CNBD2: variants seen among roughly 807,000 people sequenced by gnomAD.
CNBD2 encodes cyclic nucleotide binding domain containing 2.
Under a neutral mutation model 63.7 loss-of-function variants are expected in CNBD2, and 64 were observed. That is an observed-to-expected ratio of 1.00 (90% CI 0.82 to 1.24). CNBD2 has a LOEUF of 1.24. Ranked by LOEUF, CNBD2 falls within the 50% of genes most tolerant of loss-of-function variation. The pLI is 0.00. For synonymous variants in CNBD2, 229 were observed against 255.4 expected, an observed-to-expected ratio of 0.90 and a Z score of 0.99; for missense variants, 691 against 713.5, an observed-to-expected ratio of 0.97 and a Z score of 0.36.
At chr20:35,988,917 G>A (rs758864450) in intron 7 of CNBD2, among the ~76,000 whole-genome samples, 1 of 152,170 alleles carries the variant, frequency 6.6e-6, no homozygotes, top group Non-Finnish European at 1.5e-5. Flanking sequence ...GATTTATCAT[G>A]TTTGTTTATG....
chr20:35,976,397 T>A (rs538231770), intron 3 of CNBD2, among the ~76,000 whole-genome samples: 1 of 152,304 alleles, frequency 6.6e-6, no homozygotes, highest in East Asian at 1.9e-4. Flanking sequence ...CTGAATTCTC[T>A]GAGAGATGCT....
intron 9 of CNBD2, 144 bp from the exon 10 acceptor site, chr20:36,010,993 T>G: frequency 1.2e-6 from 1 of 840,796 alleles, no homozygotes; most frequent in Non-Finnish European, 1.7e-6. Flanking sequence ...AGGGCTTGAT[T>G]TTGAGTTTTC....
In CNBD2 at chr20:35,972,753, T is replaced by G. The variant is rs778109576; in HGVS notation, c.176T>G (p.Phe59Cys). Residue 59 changes from phenylalanine (F) to cysteine (C), a missense_variant, in exon 2 of 12, where the codon TTC (phenylalanine) becomes TGC (cysteine). Phe to Cys is a radical substitution (Grantham distance 205). Coordinates refer to ENST00000373973, the MANE Select transcript of CNBD2 (RefSeq NM_001365709.1). ...ACTGCTCACTGGAAGCACCCTATCT[T>G]CTCCTTCTGGGATGTAAGCAGTTGG... ...IETAHWKHPI[F>C]SFWDKKMQSR... The G allele has an allele frequency of 6.2e-7, 1 of 1,614,082 alleles. No individual in the cohort carries two copies. The highest frequency in any genetic ancestry group is 8.5e-7 in the Non-Finnish European group (1 of 1,179,986).
intron 8 of CNBD2, among the ~76,000 whole-genome samples, chr20:35,995,956 TG>T (rs2056819189): frequency 6.6e-6 from 1 of 152,214 alleles, no homozygotes; most frequent in African/African-American, 2.4e-5. Context: ...GACTTCTTGC[TG>T]GTGGGGACTC....
Position 36,023,791 on chromosome 20 carries a change from G to T in CNBD2, c.1439+20G>T. 1.9e-6 allele frequency: 3 copies of T among 1,565,776 alleles called. No homozygotes were observed. The highest frequency in any genetic ancestry group is 2.6e-6 in the Non-Finnish European group (3 of 1,156,730). Reference sequence around the variant, plus strand: ...CCCCAGGTCAGTACTGGAAATGTGCGTAAGTCCCATCAGGTGAAATGAACA... The same window carrying T: ...CCCCAGGTCAGTACTGGAAATGTGCTTAAGTCCCATCAGGTGAAATGAACA... On this transcript the variant is annotated intron_variant, in intron 11 of 11. Coordinates refer to ENST00000373973, the MANE Select transcript of CNBD2 (RefSeq NM_001365709.1).
intron 1 of CNBD2, among the ~76,000 whole-genome samples, chr20:35,970,553 C>T (rs991567491): frequency 1.6e-4 from 25 of 151,550 alleles, no homozygotes; most frequent in Non-Finnish European, 1.2e-4. Context: ...CCCACCACCA[C>T]GCCCGGCTAA....
chr20:36,018,157 T>C (rs2057160412), intron 10 of CNBD2, among the ~76,000 whole-genome samples: 1 of 152,258 alleles, frequency 6.6e-6, no homozygotes, highest in African/African-American at 2.4e-5. Flanking sequence ...AGTAAGGTGC[T>C]CAGAGATGAA....
chr20:36,014,341 T>A (rs2057106186), intron 10 of CNBD2, among the ~76,000 whole-genome samples: 1 of 151,120 alleles, frequency 6.6e-6, no homozygotes, highest in Non-Finnish European at 1.5e-5. Context: ...CTTTCTTTTT[T>A]TTTTTTTTGA....
At chr20:36,001,175 G>C (rs1450112573) in intron 8 of CNBD2, among the ~76,000 whole-genome samples, 2 of 151,644 alleles carry the variant, frequency 1.3e-5, no homozygotes, top group South Asian at 2.1e-4. Context: ...ATTTCTCAAT[G>C]TTTTCCCCAC....
intron 9 of CNBD2, among the ~76,000 whole-genome samples, chr20:36,010,693 G>A (rs1387276868): frequency 6.6e-6 from 1 of 151,908 alleles, no homozygotes; most frequent in Non-Finnish European, 1.5e-5. Context: ...AACTCCAGAA[G>A]TGGAGGTTGC....
intron 2 of CNBD2, among the ~76,000 whole-genome samples, chr20:35,960,783 A>C (rs13045686): frequency 0.3 from 8,204 of 27,434 alleles, 329 homozygotes; most frequent in African/African-American, 0.42. Flanking sequence ...CTTCTCTTCC[A>C]TTCTCTTCCC....
chr20:35,964,765 T>G (rs1333793056), upstream of CNBD2, among the ~76,000 whole-genome samples: 1 of 150,608 alleles, frequency 6.6e-6, no homozygotes, highest in African/African-American at 2.4e-5. Context: ...TGCAGTGCCA[T>G]GATCTCGACT....
intron 1 of CNBD2, among the ~76,000 whole-genome samples, chr20:35,969,441 C>G (rs1319008363): frequency 6.7e-6 from 1 of 149,028 alleles, no homozygotes; most frequent in African/African-American, 2.5e-5. Context: ...TCTTTACCAT[C>G]CCATGCCCCT....
intron 10 of CNBD2, among the ~76,000 whole-genome samples, chr20:36,022,195 CTTT>C (rs753206662): frequency 1.8e-5 from 1 of 56,262 alleles, no homozygotes; most frequent in African/African-American, 7.9e-5. Flanking sequence ...TTTTTTTTTT[CTTT>C]TTTTTTTTTT....
chr20:36,012,822 C>CA (rs141479430), intron 10 of CNBD2, among the ~76,000 whole-genome samples: 42,531 of 86,872 alleles, frequency 0.49, 8,518 homozygotes, highest in African/African-American at 0.61. Context: ...AAATCCGTCT[C>CA]AAAAAAAAAA....
upstream of CNBD2, chr20:35,954,652 G>C (rs1237601631): frequency 7.9e-7 from 1 of 1,270,274 alleles, no homozygotes; most frequent in Non-Finnish European, 1.0e-6. Context: ...GAATGGTGGC[G>C]CCTCTGAGCG....
chr20:36,022,775 A>AC (rs1223038854), intron 10 of CNBD2, among the ~76,000 whole-genome samples: 1 of 151,736 alleles, frequency 6.6e-6, no homozygotes, highest in Non-Finnish European at 1.5e-5. Context: ...ATGCACTATC[A>AC]CATCTGGCTA....
intron 7 of CNBD2, among the ~76,000 whole-genome samples, chr20:35,988,161 G>T (rs1218075626): frequency 7.5e-6 from 1 of 133,264 alleles, no homozygotes; most frequent in Non-Finnish European, 1.6e-5. Context: ...TGAGCCACCA[G>T]GCCCAGCCTA....
chr20:36,001,439 G>A (rs1228929414), intron 8 of CNBD2, among the ~76,000 whole-genome samples: 60 of 151,264 alleles, frequency 4.0e-4, no homozygotes, highest in African/African-American at 1.3e-3. Context: ...CAGTAGGGGC[G>A]GCCGGGCAGA....
Sources: gnomAD v4.1 joint callset for allele counts (sites outside exome capture counted in the v4.1 genomes callset) on GRCh38, gnomAD v4.1.1 for gene constraint, MANE v1.5 for transcripts, NCBI Gene and HGNC (gene_info 2026-07-23, HGNC 2026-07-21) for gene names.